CFAP47: variants seen among roughly 807,000 people sequenced by gnomAD.
CFAP47 encodes cilia and flagella associated protein 47, also known as cilia- and flagella-associated protein 47.
In CFAP47, 29 loss-of-function variants were observed where a neutral mutation model predicts 148.1. The observed-to-expected ratio is 0.20, with a 90% CI of 0.15 to 0.27. CFAP47 has a LOEUF of 0.27. Among genes scored for constraint, CFAP47 ranks in the 10% least tolerant of loss-of-function variants. The pLI, the probability that CFAP47 is intolerant of heterozygous loss-of-function variation, is 1.00. For synonymous variants in CFAP47, 664 were observed against 577.3 expected, an observed-to-expected ratio of 1.15 and a Z score of -2.15; for missense variants, 1,872 against 1,697.5, an observed-to-expected ratio of 1.10 and a Z score of -1.81.
chrX:35,949,174 T>TGTGTGTG (rs1569211174), intron 4 of CFAP47, among the ~76,000 whole-genome samples: 3 of 109,058 alleles, frequency 2.8e-5, no homozygotes, highest in East Asian at 2.9e-4. Context: ...TGTGTGTGTG[T>TGTGTGTG]TCCGGCACTG....
At chrX:36,206,850 A>G (rs1350279911) in intron 45 of CFAP47, among the ~76,000 whole-genome samples, 1 of 112,011 alleles carries the variant, frequency 8.9e-6, no homozygotes, top group African/African-American at 3.2e-5. Flanking sequence ...ATGGCAAACA[A>G]TTTTGAATTA....
intron 1 of CFAP47, among the ~76,000 whole-genome samples, chrX:35,924,530 C>T (rs1935701476): frequency 5.2e-5 from 5 of 96,478 alleles, no homozygotes; most frequent in Non-Finnish European, 9.9e-5. Flanking sequence ...TATATATGCA[C>T]ATATATGTGC....
chrX:36,334,147 A>T (rs1407219349), intron 57 of CFAP47, among the ~76,000 whole-genome samples: 1 of 111,412 alleles, frequency 9.0e-6, no homozygotes, highest in Non-Finnish European at 1.9e-5. Flanking sequence ...CTCCTTCCTC[A>T]TACCTCCAAA....
At chrX:36,075,180 T>C (rs1269279273) in intron 29 of CFAP47, among the ~76,000 whole-genome samples, 2 of 109,950 alleles carry the variant, frequency 1.8e-5, no homozygotes, top group African/African-American at 6.6e-5. Flanking sequence ...AATGTTTTAA[T>C]TTTAATTTTA....
At chrX:36,353,821 A>G in intron 60 of CFAP47, 140 bp downstream of exon 60, 1 of 444,914 alleles carries the variant, frequency 2.2e-6, no homozygotes, top group Non-Finnish European at 3.7e-6. Flanking sequence ...CATAGTGCTT[A>G]AGGAGTGTTC....
At chrX:36,195,155 A>G (rs781965692) in intron 42 of CFAP47, among the ~76,000 whole-genome samples, 29 of 112,974 alleles carry the variant, frequency 2.6e-4, no homozygotes, top group Non-Finnish European at 5.1e-4. Flanking sequence ...TCTATAAAAC[A>G]GTTAGACAGA....
intron 48 of CFAP47, among the ~76,000 whole-genome samples, chrX:36,246,603 G>A (rs1261420917): frequency 9.0e-6 from 1 of 111,291 alleles, no homozygotes; most frequent in Admixed American, 9.6e-5. Flanking sequence ...AGAACAGCAT[G>A]GGAAACCACC....
intron 49 of CFAP47, among the ~76,000 whole-genome samples, chrX:36,259,707 T>C (rs1288699765): frequency 9.0e-6 from 1 of 111,388 alleles, no homozygotes; most frequent in Non-Finnish European, 1.9e-5. Flanking sequence ...ATTTTTTTTT[T>C]GCCTTTTCTA....
intron 40 of CFAP47, among the ~76,000 whole-genome samples, chrX:36,181,120 A>G (rs913140900): frequency 4.5e-5 from 5 of 112,139 alleles, no homozygotes; most frequent in African/African-American, 1.6e-4. Context: ...AATTAGAGTC[A>G]GATCTTGAAG....
intron 59 of CFAP47, among the ~76,000 whole-genome samples, chrX:36,352,147 T>C (rs868961139): frequency 4.5e-5 from 5 of 111,063 alleles, no homozygotes; most frequent in African/African-American, 1.6e-4. Context: ...TCATTGTGAT[T>C]GAGTGATCCA....
At chrX:36,151,261 C>T (rs1373495780) in intron 37 of CFAP47, among the ~76,000 whole-genome samples, 1 of 111,830 alleles carries the variant, frequency 8.9e-6, no homozygotes, top group Non-Finnish European at 1.9e-5. Context: ...CAAAAATCAC[C>T]TAGAATTACA....
At chrX:35,974,842 T>C (rs1343235332) in intron 13 of CFAP47, among the ~76,000 whole-genome samples, 1 of 110,456 alleles carries the variant, frequency 9.1e-6, no homozygotes, top group African/African-American at 3.3e-5. Context: ...ATAGAGGAGG[T>C]GTTGAAGTGT....
chrX:36,261,344 T>TTTTTG (rs1940818457), intron 49 of CFAP47, among the ~76,000 whole-genome samples: 1 of 95,626 alleles, frequency 1.0e-5, no homozygotes, highest in Non-Finnish European at 2.1e-5. Flanking sequence ...TTTTTTTTTT[T>TTTTTG]CATTGATCAT....
chrX:36,241,570 C>CT (rs1219149822), intron 48 of CFAP47, among the ~76,000 whole-genome samples: 11 of 112,041 alleles, frequency 9.8e-5, no homozygotes, highest in Non-Finnish European at 1.5e-4. Flanking sequence ...CCTGGGAGCA[C>CT]TTCAGATCCC....
chrX:35,955,917 C>T, intron 7 of CFAP47, 44 bp from the exon 8 acceptor site: 2 of 1,195,891 alleles, frequency 1.7e-6, no homozygotes, highest in Admixed American at 2.3e-5. Context: ...ATTCTGGATT[C>T]CCCAAACACT....
At chrX:35,943,958 A>ACT (rs1386144432) in intron 3 of CFAP47, among the ~76,000 whole-genome samples, 1 of 111,307 alleles carries the variant, frequency 9.0e-6, no homozygotes, top group Non-Finnish European at 1.9e-5. Context: ...ATAACATAGA[A>ACT]CAGTTTCTCA....
In CFAP47 at chrX:35,919,933, C is replaced by G; in HGVS notation, c.134C>G (p.Ala45Gly). 1 of 1,211,300 alleles carries G rather than the reference C, an allele frequency of 8.3e-7. No individual in the cohort carries two copies. The highest frequency in any genetic ancestry group is 1.1e-6 in the Non-Finnish European group (1 of 895,347). The part of the protein sequence containing the change: ...GRDMQLRVIP[A>G]EVKFLDTMAG... ...GACATGCAGCTGCGGGTGATCCCGGCTGAGGTGAAGTTCCTGGACACGATG... is the reference window on the plus strand; with the variant it reads ...GACATGCAGCTGCGGGTGATCCCGGGTGAGGTGAAGTTCCTGGACACGATG... Residue 45 changes from alanine to glycine, a missense_variant, in exon 1 of 64, where the codon GCT becomes GGT. Physicochemically the swap from Ala to Gly is moderately conservative, Grantham distance 60 (BLOSUM62 0). Transcript: ENST00000378653.
chrX:35,975,875 C>G lies in CFAP47; in HGVS notation c.2675C>G (p.Thr892Arg), dbSNP rs1286666706. 8.3e-7 allele frequency: 1 copy of G among 1,209,752 alleles called. No individual in the cohort carries two copies. The highest frequency in any genetic ancestry group is 2.2e-5 in the Admixed American group (1 of 45,962). Residue 892 changes from threonine (T) to arginine (R), a missense_variant, in exon 15 of 64, where the codon ACA becomes AGA. Coordinates refer to ENST00000378653, the MANE Select transcript of CFAP47 (RefSeq NM_001304548.2). ...CAGTTTCAATGGCAACCCGTAAACA[C>G]AGGAAGAGGGATAGCATTTTCTATT... ...CAQFQWQPVNTGRGIAFSICP... is the reference protein window; with the variant it reads ...CAQFQWQPVNRGRGIAFSICP...
chrX:36,281,806 A>G (rs1941081798), intron 50 of CFAP47, among the ~76,000 whole-genome samples: 1 of 111,783 alleles, frequency 8.9e-6, no homozygotes, highest in African/African-American at 3.2e-5. Flanking sequence ...ATTCAAAATG[A>G]TTTGGGAAGA....
Sources: gnomAD v4.1 joint callset for allele counts (sites outside exome capture counted in the v4.1 genomes callset) on GRCh38, gnomAD v4.1.1 for gene constraint, MANE v1.5 for transcripts, NCBI Gene and HGNC (gene_info 2026-07-23, HGNC 2026-07-21) for gene names.